Variants in KIRREL1 observed in about 807,000 individuals in gnomAD.
The protein encoded by KIRREL1 is kin of IRRE-like protein 1.
A neutral mutation model predicts 83.3 loss-of-function variants in KIRREL1; 25 were observed. That is an observed-to-expected ratio of 0.30 (90% CI 0.22 to 0.42). KIRREL1 has a LOEUF of 0.42. Among genes scored for constraint, KIRREL1 ranks in the 10% least tolerant of loss-of-function variants. The probability of loss-of-function intolerance (pLI) is 1.00; values close to 1 mark genes in which losing one functional copy is unlikely to be tolerated. For synonymous variants in KIRREL1, 388 were observed against 410.4 expected (o/e 0.95, Z 0.66); for missense variants, 812 against 1,032.3 (o/e 0.79, Z 2.92).
At chr1:158,027,885 A>C (rs1259067786) in intron 1 of KIRREL1, among the ~76,000 whole-genome samples, 1 of 152,198 alleles carries the variant, frequency 6.6e-6, no homozygotes, top group Non-Finnish European at 1.5e-5. Flanking sequence ...TTGGAAAAGG[A>C]TTGACCTTCA....
intron 1 of KIRREL1, among the ~76,000 whole-genome samples, chr1:158,060,673 A>C (rs972971060): frequency 2.0e-5 from 3 of 152,184 alleles, no homozygotes; most frequent in Non-Finnish European, 2.9e-5. Context: ...CATATGGGGC[A>C]GATCCCTCAG....
At chr1:158,059,325 C>T (rs1017798151) in intron 1 of KIRREL1, among the ~76,000 whole-genome samples, 31 of 152,154 alleles carry the variant, frequency 2.0e-4, no homozygotes, top group Middle Eastern at 3.2e-3. Flanking sequence ...CTCAAACCCA[C>T]GTTCAGCCCC....
rs548717217 is a variant in KIRREL1, at chr1:158,100,255, A to T, written c.*5135A>T. 1.3e-5 allele frequency: 2 copies of T among 150,800 alleles called. No homozygotes were observed. The highest frequency in any genetic ancestry group is 2.4e-5 in the African/African-American group (1 of 41,298). The allele number at this position is 150,800 out of a possible 1,614,324, so 9.3% of individuals were successfully genotyped here. On this transcript the variant is annotated 3_prime_UTR_variant, in exon 15 of 15. Transcript: ENST00000359209. ...TTATATATATAAATATAAATGTTTT[A>T]AAAAGTACCATGTTTTGTGTTATTT...
At chr1:158,059,309 C>T (rs1237482886) in intron 1 of KIRREL1, among the ~76,000 whole-genome samples, 3 of 152,130 alleles carry the variant, frequency 2.0e-5, no homozygotes, top group Middle Eastern at 3.2e-3. Flanking sequence ...CAGCCTTGGC[C>T]CAGCCCTCAA....
intron 1 of KIRREL1, among the ~76,000 whole-genome samples, chr1:158,002,243 G>T (rs1010256317): frequency 2.8e-4 from 43 of 152,310 alleles, no homozygotes; most frequent in South Asian, 6.2e-4. Context: ...GAGCTCTGCA[G>T]CCTGACTCTG....
intron 1 of KIRREL1, among the ~76,000 whole-genome samples, chr1:158,049,802 G>T (rs1403499291): frequency 6.6e-6 from 1 of 152,136 alleles, no homozygotes; most frequent in Non-Finnish European, 1.5e-5. Flanking sequence ...TGAGGTAGGA[G>T]AAGAAAGTCT....
intron 1 of KIRREL1, among the ~76,000 whole-genome samples, chr1:158,014,917 A>G (rs2101643210): frequency 6.6e-6 from 1 of 152,042 alleles, no homozygotes; most frequent in South Asian, 2.1e-4. Context: ...TACTGGGACT[A>G]TTTAACTGTG....
intron 1 of KIRREL1, among the ~76,000 whole-genome samples, chr1:158,009,918 A>T (rs1392197296): frequency 6.6e-6 from 1 of 152,190 alleles, no homozygotes; most frequent in Non-Finnish European, 1.5e-5. Flanking sequence ...TTACAATAGG[A>T]ACATCTATAT....
At chr1:158,086,048 C>T (rs868506756) in intron 4 of KIRREL1, among the ~76,000 whole-genome samples, 2 of 152,238 alleles carry the variant, frequency 1.3e-5, no homozygotes, top group Middle Eastern at 3.4e-3. Flanking sequence ...TTGCGCTGGA[C>T]TCACAAAGAG....
At chr1:158,077,944 A>C (rs369531039) in intron 2 of KIRREL1, 47 bp from the exon 3 acceptor site, 1 of 1,606,676 alleles carries the variant, frequency 6.2e-7, no homozygotes, top group Non-Finnish European at 8.5e-7. Context: ...ATGGCTGAGG[A>C]TGTGTCCTTG....
chr1:158,005,848 G>T (rs1238998553), intron 1 of KIRREL1, among the ~76,000 whole-genome samples: 1 of 152,038 alleles, frequency 6.6e-6, no homozygotes, highest in Non-Finnish European at 1.5e-5. Flanking sequence ...TTCTCTGCGC[G>T]CAGAACCCCA....
chr1:158,058,972 G>C (rs74120539), intron 1 of KIRREL1, among the ~76,000 whole-genome samples: 2,483 of 152,308 alleles, frequency 0.016, 83 homozygotes, highest in African/African-American at 0.057. Flanking sequence ...GATGCAGAGA[G>C]GGAGTGGCAG....
intron 1 of KIRREL1, among the ~76,000 whole-genome samples, chr1:158,026,803 C>T (rs753810777): frequency 2.1e-4 from 32 of 152,158 alleles, no homozygotes; most frequent in Non-Finnish European, 3.5e-4. Flanking sequence ...GGAGACTATG[C>T]TCCTAATCTC....
intron 7 of KIRREL1, 36 bp downstream of exon 7, chr1:158,088,190 G>T: frequency 6.2e-7 from 1 of 1,613,992 alleles, no homozygotes; most frequent in Non-Finnish European, 8.5e-7. Flanking sequence ...GGGACAGAGA[G>T]CAGGGGCCCC....
At chr1:158,080,452 A>G (rs958675045) in intron 3 of KIRREL1, among the ~76,000 whole-genome samples, 2 of 152,198 alleles carry the variant, frequency 1.3e-5, no homozygotes, top group Admixed American at 1.3e-4. Flanking sequence ...TTGCAGGCCA[A>G]TGAAGGAGAG....
At chr1:158,062,199 C>T (rs1661232304) in intron 1 of KIRREL1, among the ~76,000 whole-genome samples, 1 of 152,136 alleles carries the variant, frequency 6.6e-6, no homozygotes, top group Admixed American at 6.5e-5. Context: ...TTGTTTTCTG[C>T]CTGACAAGGA....
chr1:158,088,313 T>C lies in KIRREL1; in HGVS notation c.917-14T>C, dbSNP rs1190436529. 6 of 1,606,452 alleles carry C rather than the reference T, an allele frequency of 3.7e-6. No homozygotes were observed. The highest frequency in any genetic ancestry group is 5.1e-6 in the Non-Finnish European group (6 of 1,176,892). ...GCTTGAGACCCTAACGAGTGGCTTC[T>C]TTCTCCCTCACAGTTGCTCCCCGGA... On this transcript the variant is annotated splice_polypyrimidine_tract_variant and intron_variant, in intron 7 of 14. Transcript: ENST00000359209.
At chr1:158,014,901 G>A (rs1659785658) in intron 1 of KIRREL1, among the ~76,000 whole-genome samples, 1 of 151,984 alleles carries the variant, frequency 6.6e-6, no homozygotes, top group South Asian at 2.1e-4. Flanking sequence ...CCTCCTTCCG[G>A]TGCTTTACTG....
At chr1:158,093,577 G>T in intron 12 of KIRREL1, 46 bp from the exon 13 acceptor site, 1 of 1,612,588 alleles carries the variant, frequency 6.2e-7, no homozygotes. Flanking sequence ...AGCCGCTGCA[G>T]AGACCAGCAG....
Sources: gnomAD v4.1 joint callset for allele counts (sites outside exome capture counted in the v4.1 genomes callset) on GRCh38, gnomAD v4.1.1 for gene constraint, MANE v1.5 for transcripts, NCBI Gene and HGNC (gene_info 2026-07-23, HGNC 2026-07-21) for gene names.